PARD3: variants seen among roughly 807,000 people sequenced by gnomAD.
The protein encoded by PARD3 is par-3 family cell polarity regulator.
Under a neutral mutation model 155.4 loss-of-function variants are expected in PARD3, and 75 were observed. The observed-to-expected ratio is 0.48, with a 90% CI of 0.40 to 0.58. PARD3 has a LOEUF of 0.58. Ranked by LOEUF, PARD3 falls within the 20% of genes least tolerant of loss-of-function variation. The pLI, the probability that PARD3 is intolerant of heterozygous loss-of-function variation, is 0.00. For synonymous variants in PARD3, 576 were observed against 610.5 expected, an observed-to-expected ratio of 0.94 and a Z score of 0.83; for missense variants, 1,642 against 1,721.7, an observed-to-expected ratio of 0.95 and a Z score of 0.82.
At position 34,111,171 on chromosome 10, in the gene PARD3, A is replaced by G. The variant is rs1019205792; in HGVS notation, c.4060T>C (p.Ter1354ArgextTer4). 1.1e-5 allele frequency: 17 copies of G among 1,540,944 alleles called. No individual in the cohort carries two copies. The highest frequency in any genetic ancestry group is 1.4e-5 in the Non-Finnish European group (16 of 1,143,228). The change falls in exon 25 of 25, where the codon TGA becomes CGA. Residue 1354 changes from the stop codon to arginine (R), a stop_lost. Coordinates refer to ENST00000374788, the MANE Select transcript of PARD3 (RefSeq NM_001184785.2). ...TGAAGCATCCGTTATTTGCGTGCTCAGGAATAGAAGGGCCTCCCTTTCTCA... is the reference window on the plus strand; with the variant it reads ...TGAAGCATCCGTTATTTGCGTGCTCGGGAATAGAAGGGCCTCCCTTTCTCA... ...TPEKGRPFYS[*>R]
At chr10:34,692,012 G>A (rs2094071715) in intron 2 of PARD3, among the ~76,000 whole-genome samples, 1 of 152,172 alleles carries the variant, frequency 6.6e-6, no homozygotes, top group Non-Finnish European at 1.5e-5. Flanking sequence ...CAGGTGGATT[G>A]CCTGAGGTCA....
At chr10:34,812,322 C>A (rs1470097222) in intron 1 of PARD3, among the ~76,000 whole-genome samples, 1 of 152,140 alleles carries the variant, frequency 6.6e-6, no homozygotes, top group Admixed American at 6.6e-5. Context: ...CTTTTCCCCA[C>A]CAGATGGGAG....
At chr10:34,350,748 T>C (rs1372213405) in intron 14 of PARD3, among the ~76,000 whole-genome samples, 1 of 152,188 alleles carries the variant, frequency 6.6e-6, no homozygotes, top group Non-Finnish European at 1.5e-5. Context: ...AAAATTTTCT[T>C]GACTCCAACT....
chr10:34,804,661 T>G (rs1211567952), intron 1 of PARD3, among the ~76,000 whole-genome samples: 1 of 152,212 alleles, frequency 6.6e-6, no homozygotes, highest in Non-Finnish European at 1.5e-5. Flanking sequence ...ATACGTTTCC[T>G]GGAAGAGTTT....
At chr10:34,664,434 C>T (rs2093401383) in intron 2 of PARD3, among the ~76,000 whole-genome samples, 2 of 151,956 alleles carry the variant, frequency 1.3e-5, no homozygotes, top group Admixed American at 1.3e-4. Context: ...AAATCCTGAC[C>T]TTGTGATCCG....
intron 2 of PARD3, among the ~76,000 whole-genome samples, chr10:34,609,127 T>C (rs967791070): frequency 1.3e-5 from 2 of 152,216 alleles, no homozygotes; most frequent in African/African-American, 4.8e-5. Context: ...AATTTTGGAC[T>C]CAAGTCAGTA....
intron 2 of PARD3, among the ~76,000 whole-genome samples, chr10:34,592,945 C>CG (rs2088859151): frequency 6.6e-6 from 1 of 152,172 alleles, no homozygotes; most frequent in Admixed American, 6.5e-5. Flanking sequence ...TCATTCAATA[C>CG]ATTACTGCAT....
At chr10:34,276,207 A>C (rs989402310) in intron 21 of PARD3, among the ~76,000 whole-genome samples, 2 of 151,360 alleles carry the variant, frequency 1.3e-5, no homozygotes, top group African/African-American at 4.8e-5. Context: ...TTATCATTTC[A>C]ACTTGTTATG....
chr10:34,658,303 G>A (rs1312775302), intron 2 of PARD3, among the ~76,000 whole-genome samples: 1 of 152,076 alleles, frequency 6.6e-6, no homozygotes, highest in Non-Finnish European at 1.5e-5. Flanking sequence ...AATTCAATTT[G>A]CTGAATTCTG....
intron 4 of PARD3, among the ~76,000 whole-genome samples, chr10:34,453,571 T>C (rs1224701200): frequency 6.6e-6 from 1 of 152,198 alleles, no homozygotes; most frequent in Non-Finnish European, 1.5e-5. Context: ...TTAAAAATTG[T>C]TTAGGGAATG....
intron 1 of PARD3, among the ~76,000 whole-genome samples, chr10:34,787,541 T>C (rs998487910): frequency 6.6e-6 from 1 of 152,116 alleles, no homozygotes; most frequent in African/African-American, 2.4e-5. Flanking sequence ...CTGGTCTCAG[T>C]AAGGCTGCAG....
At chr10:34,130,340 C>T (rs1438179835) in intron 23 of PARD3, among the ~76,000 whole-genome samples, 1 of 152,164 alleles carries the variant, frequency 6.6e-6, no homozygotes, top group Non-Finnish European at 1.5e-5. Context: ...AGGACTCCAG[C>T]ACCTCCCTTG....
chr10:34,201,859 G>A (rs1362689985), intron 22 of PARD3: 2 of 152,202 alleles, frequency 1.3e-5, no homozygotes, highest in Admixed American at 6.5e-5. Context: ...TGCTGACCTT[G>A]TGCTGGATAC....
chr10:34,220,443 T>G (rs1952219496), intron 22 of PARD3, among the ~76,000 whole-genome samples: 1 of 152,216 alleles, frequency 6.6e-6, no homozygotes, highest in African/African-American at 2.4e-5. Context: ...GGATCGCACC[T>G]GGTGCCTCAC....
intron 7 of PARD3, among the ~76,000 whole-genome samples, chr10:34,395,928 A>G (rs892901596): frequency 6.6e-6 from 1 of 152,164 alleles, no homozygotes; most frequent in Admixed American, 6.5e-5. Context: ...CTATTTCTAC[A>G]TATCAGCAGG....
intron 1 of PARD3, among the ~76,000 whole-genome samples, chr10:34,753,018 A>G (rs1836259471): frequency 6.6e-6 from 1 of 152,244 alleles, no homozygotes; most frequent in Non-Finnish European, 1.5e-5. Context: ...ATGGAAGAAA[A>G]CAGCCAAGGC....
chr10:34,231,266 C>CAAA (rs57175956), intron 22 of PARD3, among the ~76,000 whole-genome samples: 13,211 of 81,584 alleles, frequency 0.16, 2,087 homozygotes, highest in African/African-American at 0.27. Context: ...TAATCTTAGG[C>CAAA]AAAAAAAAAA....
intron 2 of PARD3, among the ~76,000 whole-genome samples, chr10:34,658,121 G>T (rs112852359): frequency 1.4e-4 from 21 of 151,288 alleles, no homozygotes; most frequent in African/African-American, 3.9e-4. Flanking sequence ...ACTCCAGCCT[G>T]GGCGACAGAT....
At chr10:34,143,265 C>T (rs978175555) in intron 22 of PARD3, among the ~76,000 whole-genome samples, 53 of 152,058 alleles carry the variant, frequency 3.5e-4, no homozygotes, top group African/African-American at 1.1e-3. Context: ...GACCTGAGAT[C>T]GTGCCACCGC....
Sources: allele counts gnomAD v4.1 joint callset (sites outside exome capture counted in the v4.1 genomes callset), GRCh38; gene constraint gnomAD v4.1.1; transcripts MANE v1.5; gene names NCBI Gene and HGNC (gene_info 2026-07-23, HGNC 2026-07-21).